GANC: variants seen among roughly 807,000 people sequenced by gnomAD.
GANC encodes neutral alpha-glucosidase C.
GANC carries 117 observed loss-of-function variants against 124.2 expected under a neutral mutation model. The observed-to-expected ratio is 0.94, with a 90% CI of 0.81 to 1.10. The LOEUF (loss-of-function observed/expected upper bound fraction) is 1.10, where lower values mean the gene tolerates loss of function less well. Ranked by LOEUF, GANC falls within the 50% of genes least tolerant of loss-of-function variation. The pLI is 0.00. For synonymous variants in GANC, 377 were observed against 376.8 expected, an observed-to-expected ratio of 1.00 and a Z score of -0.01; for missense variants, 1,140 against 1,095.0, an observed-to-expected ratio of 1.04 and a Z score of -0.58.
chr15:42,352,550 G>T lies in GANC; in HGVS notation c.*411G>T. The T allele has an allele frequency of 9.8e-7, 1 of 1,024,702 alleles. No homozygotes were observed. The highest frequency in any genetic ancestry group is 1.2e-6 in the Non-Finnish European group (1 of 852,686). The allele number at this position is 1,024,702 out of a possible 1,614,324, so 63.5% of individuals were successfully genotyped here. A position where few individuals can be genotyped will look rare whatever the true frequency, so the allele number is the denominator to read the frequency against. On this transcript the variant is annotated 3_prime_UTR_variant, in exon 24 of 24. Coordinates refer to ENST00000318010, the MANE Select transcript of GANC (RefSeq NM_198141.3). ...TGGCTGCAGCAGCTGAGTTGCTCAA[G>T]GCCAGTGTCCAAGTGGACAGCAGCC...
chr15:42,283,501 A>C lies in GANC; in HGVS notation c.202-4190A>C, dbSNP rs2051754365. 4 of 624,684 alleles carry C rather than the reference A, an allele frequency of 6.4e-6. No homozygotes were observed. In the South Asian group the frequency reaches 7.6e-5, roughly 12 times the overall value. The allele number at this position is 624,684 out of a possible 1,614,324, so 38.7% of individuals were successfully genotyped here. On this transcript the variant is annotated intron_variant, in intron 3 of 23. Transcript: ENST00000318010. ...TATGCTGTCTTGTGAGTCTAGCTTA[A>C]ATAGCATTGCTAGCAAGGATGTCTG...
chr15:42,313,207 A>G (rs2052069791), intron 10 of GANC, among the ~76,000 whole-genome samples: 1 of 146,818 alleles, frequency 6.8e-6, no homozygotes, highest in Non-Finnish European at 1.5e-5. Context: ...TTGGACTCCT[A>G]TATTCAAAAA....
intron 6 of GANC, among the ~76,000 whole-genome samples, chr15:42,301,702 GC>G (rs1318261557): frequency 2.0e-5 from 3 of 152,264 alleles, no homozygotes; most frequent in African/African-American, 7.2e-5. Context: ...GCTTGAGTAG[GC>G]GGTTTTCCCC....
chr15:42,281,169 A>G (rs1214117759), intron 3 of GANC: 5 of 697,460 alleles, frequency 7.2e-6, no homozygotes, highest in Admixed American at 2.0e-5. Context: ...GGGAATCTGC[A>G]TGCCCTGATC....
intron 4 of GANC, 72 bp downstream of exon 4, chr15:42,287,890 T>C: frequency 6.7e-7 from 1 of 1,491,016 alleles, no homozygotes; most frequent in South Asian, 1.3e-5. Flanking sequence ...GTAATAAATT[T>C]TGTTATGTGC....
intron 7 of GANC, among the ~76,000 whole-genome samples, chr15:42,307,136 A>G (rs559492353): frequency 6.6e-6 from 1 of 152,268 alleles, no homozygotes; most frequent in South Asian, 2.1e-4. Context: ...GGGCTTATGC[A>G]GTTAGAAAAA....
At chr15:42,348,348 G>A (rs950125786) in intron 21 of GANC, 132 bp downstream of exon 21, 1 of 628,862 alleles carries the variant, frequency 1.6e-6, no homozygotes, top group Non-Finnish European at 2.7e-6. Flanking sequence ...AATCATTTCT[G>A]AATCATTGTT....
chr15:42,329,394 T>C lies in GANC; in HGVS notation c.1589T>C (p.Ile530Thr). The change falls in exon 14 of 24, where the codon ATT (isoleucine) becomes ACT (threonine). Residue 530 changes from isoleucine to threonine, a missense_variant. Physicochemically the swap from Ile to Thr is moderately conservative, Grantham distance 89. Coordinates refer to ENST00000318010, the MANE Select transcript of GANC (RefSeq NM_198141.3). ...GAGCAAACCATGCAGAAGAATGCCA[T>C]TCATCATGGCAATTGGGAGCACAGA... ...GPEQTMQKNA[I>T]HHGNWEHREL... The C allele has an allele frequency of 6.2e-7, 1 of 1,613,964 alleles. No individual in the cohort carries two copies. The highest frequency in any genetic ancestry group is 8.5e-7 in the Non-Finnish European group (1 of 1,179,922).
intron 13 of GANC, among the ~76,000 whole-genome samples, chr15:42,328,649 G>T (rs2052215916): frequency 6.6e-6 from 1 of 152,076 alleles, no homozygotes; most frequent in Non-Finnish European, 1.5e-5. Context: ...CAGGATTTTT[G>T]AAAAATAATA....
At chr15:42,277,694 G>A (rs570873176) in intron 2 of GANC, among the ~76,000 whole-genome samples, 1 of 151,836 alleles carries the variant, frequency 6.6e-6, no homozygotes, top group South Asian at 2.1e-4. Context: ...TCCACCTCCT[G>A]GGTTCAAGCG....
Position 42,287,676 on chromosome 15 carries a change from T to A in GANC, c.202-15T>A. 1.2e-6 allele frequency: 2 copies of A among 1,608,566 alleles called. No homozygotes were observed. Among genetic ancestry groups the A allele is most frequent in the Non-Finnish European group, 8.5e-7 (1 of 1,178,020 alleles). On this transcript the variant is annotated splice_polypyrimidine_tract_variant and intron_variant, in intron 3 of 23. Transcript: ENST00000318010. Reference sequence around the variant, plus strand: ...GGGTAACCTGTTGAAGGTAATCTCTTGTATCTGTTTCCAGGTTCCTCTCCT... The same window carrying A: ...GGGTAACCTGTTGAAGGTAATCTCTAGTATCTGTTTCCAGGTTCCTCTCCT...
chr15:42,313,943 C>A (rs1013796775), intron 10 of GANC: 14 of 554,162 alleles, frequency 2.5e-5, no homozygotes, highest in Admixed American at 6.7e-5. Context: ...CAGAGCGAGA[C>A]CCTATCTCTA....
intron 10 of GANC, among the ~76,000 whole-genome samples, chr15:42,319,714 T>A (rs993738047): frequency 1.1e-4 from 16 of 152,210 alleles, no homozygotes; most frequent in Admixed American, 3.3e-4. Flanking sequence ...TTTATTGTTT[T>A]ATAAATTGTA....
In GANC at chr15:42,339,738, A is replaced by G. The variant is rs754860192; in HGVS notation, c.1913A>G (p.Tyr638Cys). 6 of 1,614,002 alleles carry G rather than the reference A, an allele frequency of 3.7e-6. No homozygotes were observed. The highest frequency in any genetic ancestry group is 4.5e-5 in the East Asian group (2 of 44,898). The change falls in exon 17 of 24, where the codon TAC becomes TGC. Residue 638 changes from tyrosine to cysteine, a missense_variant. Physicochemically the swap from Tyr to Cys is radical, Grantham distance 194. Transcript: ENST00000318010. ...LLVRWYQAGA[Y>C]QPFFRGHATM... The stretch of plus-strand genomic sequence containing the variant: ...GTGCGTTGGTACCAGGCTGGAGCCT[A>G]CCAGCCCTTCTTCCGTGGCCATGCC...
rs2051630555 is a variant in GANC, at chr15:42,274,378, A to G, written c.-104A>G. On this transcript the variant is annotated 5_prime_UTR_variant, in exon 1 of 24. Coordinates refer to ENST00000318010, the MANE Select transcript of GANC (RefSeq NM_198141.3). ...TCCCTTCCCAGAAACTTGACGATGA[A>G]GTACTGGTTGTAATTTTAGAAAGAC... 6.8e-6 allele frequency: 8 copies of G among 1,180,494 alleles called. No individual in the cohort carries two copies. Among genetic ancestry groups the G allele is most frequent in the Non-Finnish European group, 1.2e-6 (1 of 818,496 alleles). 73.1% of individuals were successfully genotyped at this position (1,180,494 alleles called of 1,614,324 possible).
chr15:42,344,841 G>A (rs1028851545), intron 19 of GANC: 1 of 152,220 alleles, frequency 6.6e-6, no homozygotes, highest in African/African-American at 2.4e-5. Flanking sequence ...CCCATTAAGA[G>A]GAACTGGCTC....
chr15:42,342,948 G>A (rs1266251256), intron 18 of GANC, 130 bp from the exon 19 acceptor site: 5 of 695,526 alleles, frequency 7.2e-6, no homozygotes, highest in African/African-American at 7.1e-5. Context: ...GTTCAAGTCA[G>A]TCTCTGCCTC....
intron 13 of GANC, among the ~76,000 whole-genome samples, chr15:42,328,214 G>A (rs1424101781): frequency 6.6e-6 from 1 of 152,100 alleles, no homozygotes; most frequent in East Asian, 1.9e-4. Context: ...CAAGTATTAG[G>A]GCACTAATAA....
chr15:42,318,560 A>C (rs2052129324), intron 10 of GANC, among the ~76,000 whole-genome samples: 1 of 152,030 alleles, frequency 6.6e-6, no homozygotes, highest in Non-Finnish European at 1.5e-5. Flanking sequence ...GTATTCTGAA[A>C]TTTTGTAATA....
Sources: gnomAD v4.1 joint callset for allele counts (sites outside exome capture counted in the v4.1 genomes callset) on GRCh38, gnomAD v4.1.1 for gene constraint, MANE v1.5 for transcripts, NCBI Gene and HGNC (gene_info 2026-07-23, HGNC 2026-07-21) for gene names.